GLIS3: variants seen among roughly 807,000 people sequenced by gnomAD.
The protein encoded by GLIS3 is GLIS family zinc finger 3.
Under a neutral mutation model 78.6 loss-of-function variants are expected in GLIS3, and 53 were observed. The observed-to-expected ratio is 0.67, with a 90% CI of 0.54 to 0.85. GLIS3 has a LOEUF of 0.85. Ranked by LOEUF, GLIS3 falls within the 40% of genes least tolerant of loss-of-function variation. The probability of loss-of-function intolerance (pLI) is 0.00; values close to 1 mark genes in which losing one functional copy is unlikely to be tolerated. For missense variants in GLIS3, 1,703 were observed against 1,231.1 expected (o/e 1.38, Z -5.74); for synonymous variants, 684 against 509.9 (o/e 1.34, Z -4.60).
chr9:3,838,278 T>G (rs1056098567), intron 9 of GLIS3, among the ~76,000 whole-genome samples: 21 of 152,206 alleles, frequency 1.4e-4, no homozygotes, highest in Non-Finnish European at 2.6e-4. Flanking sequence ...TTAATAAGAA[T>G]TAAAATACAG....
At chr9:3,908,791 G>A (rs1002537771) in intron 6 of GLIS3, among the ~76,000 whole-genome samples, 12 of 120,364 alleles carry the variant, frequency 1.0e-4, no homozygotes, top group South Asian at 5.5e-4. Context: ...TTTTACTCCC[G>A]TCATTTTCTC....
intron 2 of GLIS3, among the ~76,000 whole-genome samples, chr9:4,263,972 A>T (rs1010416655): frequency 6.6e-6 from 1 of 152,024 alleles, no homozygotes; most frequent in East Asian, 1.9e-4. Flanking sequence ...ATGACATCAA[A>T]TATCATCTCT....
At chr9:4,463,289 G>T in the GLIS3 span, among the ~76,000 whole-genome samples, 8 of 152,314 alleles carry the variant, frequency 5.3e-5, no homozygotes, top group South Asian at 1.0e-3. Context: ...TTCTGGGTTT[G>T]TAAGAAAGGA....
chr9:4,361,548 G>C, the GLIS3 span, among the ~76,000 whole-genome samples: 1 of 152,176 alleles, frequency 6.6e-6, no homozygotes, highest in Non-Finnish European at 1.5e-5. Flanking sequence ...TTACAAGGCT[G>C]TGGTGTATTA....
chr9:3,888,355 G>A (rs1052692782), intron 7 of GLIS3, among the ~76,000 whole-genome samples: 4 of 152,158 alleles, frequency 2.6e-5, no homozygotes, highest in Non-Finnish European at 5.9e-5. Flanking sequence ...AGCATGCTGA[G>A]ACAATCCCAC....
intron 4 of GLIS3, among the ~76,000 whole-genome samples, chr9:3,990,397 A>T (rs1820129973): frequency 6.6e-6 from 1 of 152,172 alleles, no homozygotes; most frequent in Admixed American, 6.5e-5. Flanking sequence ...TGTTTTCTTC[A>T]CCAAAGATCG....
rs190514157 is a variant in GLIS3, at chr9:4,058,816, T to A, written c.1710+58952A>T. Among the ~76,000 whole-genome samples, 484 of 151,732 alleles carry A rather than the reference T, an allele frequency of 3.2e-3. 3 individuals carry two copies. The highest frequency in any genetic ancestry group is 0.011 in the African/African-American group (451 of 41,354). On this transcript the variant is annotated intron_variant, in intron 4 of 10. Coordinates refer to ENST00000381971, the MANE Select transcript of GLIS3 (RefSeq NM_001042413.2). ...TAACACAGTGAAACCCCATCTCTAC[T>A]AAAAAATACAAAAAAATTAGCCGGG...
chr9:4,118,229 G>T lies in GLIS3; in HGVS notation c.1249C>A (p.Leu417Met). 1 of 1,588,764 alleles carries T rather than the reference G, an allele frequency of 6.3e-7. No homozygotes were observed. The highest frequency in any genetic ancestry group is 8.6e-7 in the Non-Finnish European group (1 of 1,167,928). ...GCCGACTGGCTGTCGGGGCCCGGCA[G>T]GCCATGCTGCACCACCATGTGGTTG... is the stretch of plus-strand genomic sequence containing the variant. ...LVNHMVVQHG[L>M]PGPDSQSAGL... The change falls in exon 4 of 11, where the codon CTG becomes ATG. Residue 417 changes from leucine (L) to methionine (M), a missense_variant. Leu to Met is a conservative substitution (Grantham distance 15). Transcript: ENST00000381971. The surrounding 1 kb of genome is among the most constrained non-coding windows in gnomAD (Gnocchi z 4.7).
intron 2 of GLIS3, among the ~76,000 whole-genome samples, chr9:4,284,121 G>C (rs934877786): frequency 6.6e-6 from 1 of 152,170 alleles, no homozygotes; most frequent in Non-Finnish European, 1.5e-5. Flanking sequence ...GTATTCCCAA[G>C]CTCCTTACTG....
At chr9:4,150,413 A>G (rs1834586112) in intron 2 of GLIS3, among the ~76,000 whole-genome samples, 1 of 152,244 alleles carries the variant, frequency 6.6e-6, no homozygotes, top group Non-Finnish European at 1.5e-5. Flanking sequence ...AGAGGAATCT[A>G]TGCCAGGGCA....
intron 7 of GLIS3, among the ~76,000 whole-genome samples, chr9:3,892,366 G>A (rs1822523015): frequency 6.6e-6 from 1 of 152,192 alleles, no homozygotes; most frequent in South Asian, 2.1e-4. Flanking sequence ...TTAATGGTTT[G>A]AGTCACGGCC....
intron 8 of GLIS3, among the ~76,000 whole-genome samples, chr9:3,856,784 G>A (rs575587320): frequency 3.3e-4 from 51 of 152,280 alleles, no homozygotes; most frequent in African/African-American, 1.1e-3. Flanking sequence ...CGTGGGCTCC[G>A]TGCTTGGCAA....
intron 2 of GLIS3, among the ~76,000 whole-genome samples, chr9:4,278,831 T>C (rs932991646): frequency 6.6e-6 from 1 of 152,244 alleles, no homozygotes; most frequent in Non-Finnish European, 1.5e-5. Context: ...TGATCAAATA[T>C]AGCATCACAA....
intron 4 of GLIS3, among the ~76,000 whole-genome samples, chr9:4,307,463 A>G (rs1382231080): frequency 2.6e-5 from 4 of 152,100 alleles, no homozygotes; most frequent in Middle Eastern, 3.2e-3. Flanking sequence ...CCACAGGATG[A>G]CCTTTACTAT....
chr9:4,091,595 T>C (rs1050463598), intron 4 of GLIS3, among the ~76,000 whole-genome samples: 5 of 151,992 alleles, frequency 3.3e-5, no homozygotes, highest in African/African-American at 9.7e-5. Flanking sequence ...ATGACAAGAA[T>C]ATGTTCTGAG....
rs76992589 is a variant in GLIS3 at position 4,310,159 on chromosome 9, G to A, written n.392+242C>T. ...CATTACACAGGGCCAACCCAAAATA[G>A]TACTTCCAACAATGGATGTAGTTGG... On this transcript the variant is annotated intron_variant and non_coding_transcript_variant, in intron 3 of 4. Transcript: ENST00000471664. 7.4e-3 allele frequency among the ~76,000 whole-genome samples: 1,134 copies of A among 152,242 alleles called. 15 individuals are homozygous for A. Among genetic ancestry groups the A allele is most frequent in the African/African-American group, 0.026 (1,095 of 41,532 alleles).
chr9:4,109,924 A>T, intron 4 of GLIS3, among the ~76,000 whole-genome samples: 1 of 152,168 alleles, frequency 6.6e-6, no homozygotes, highest in East Asian at 1.9e-4. Flanking sequence ...CTCCTCTAAC[A>T]AGCCTGCCCA....
intron 6 of GLIS3, among the ~76,000 whole-genome samples, chr9:3,931,254 G>A (rs16920043): frequency 0.17 from 25,594 of 151,694 alleles, 2,283 homozygotes; most frequent in African/African-American, 0.23. Flanking sequence ...ACACACCCTC[G>A]GCTGGCATTG....
rs34676336 is a variant in GLIS3, at chr9:4,279,405, GT to G, written c.388+6632del. Among the ~76,000 whole-genome samples, 1,027 of 136,258 alleles carry G rather than the reference GT, an allele frequency of 7.5e-3. 23 individuals carry two copies. Among genetic ancestry groups the G allele is most frequent in the African/African-American group, 0.027 (970 of 36,590 alleles). The allele number at this position is 136,258 out of a possible 152,430, so 89.4% of individuals were successfully genotyped here. A position where few individuals can be genotyped will look rare whatever the true frequency, so the allele number is the denominator to read the frequency against. ...TATTTTATATTATATATATATCAGC[GT>G]TTTTTTTAATGAAACACAAAGAAAG... is the stretch of plus-strand genomic sequence containing the variant. On this transcript the variant is annotated intron_variant, in intron 2 of 10. Coordinates refer to ENST00000381971, the MANE Select transcript of GLIS3 (RefSeq NM_001042413.2).
Sources: gnomAD v4.1 joint callset for allele counts (sites outside exome capture counted in the v4.1 genomes callset) on GRCh38, gnomAD v4.1.1 for gene constraint, Gnocchi (gnomAD v3.1) non-coding constraint, MANE v1.5 for transcripts, NCBI Gene and HGNC (gene_info 2026-07-23, HGNC 2026-07-21) for gene names.